The following CNTNAP2 variants were observed in gnomAD, a reference collection of about 807,000 sequenced individuals.
CNTNAP2 encodes the protein contactin associated protein 2, also known as contactin-associated protein-like 2.
In CNTNAP2, 98 loss-of-function variants were observed where a neutral mutation model predicts 155.2. That is an observed-to-expected ratio of 0.63 (90% confidence interval 0.54 to 0.75). The LOEUF is 0.75. Ranked by LOEUF, CNTNAP2 falls within the 30% of genes least tolerant of loss-of-function variation. The pLI is 0.00. For missense variants in CNTNAP2, 1,727 were observed against 1,688.1 expected (o/e 1.02, Z -0.40); for synonymous variants, 651 against 631.2 (o/e 1.03, Z -0.47).
At chr7:147,648,473 A>G (rs1016364373) in intron 13 of CNTNAP2, among the ~76,000 whole-genome samples, 7 of 152,362 alleles carry the variant, frequency 4.6e-5, no homozygotes, top group African/African-American at 1.7e-4. Context: ...GTTCATTTTC[A>G]CGCTGCTGAT....
chr7:148,235,045 G>C (rs1796020935), intron 20 of CNTNAP2, among the ~76,000 whole-genome samples: 1 of 152,134 alleles, frequency 6.6e-6, no homozygotes, highest in Admixed American at 6.5e-5. Context: ...AGGTCCTCAG[G>C]AACAAATGAT....
chr7:146,155,613 A>G (rs1051308931), intron 1 of CNTNAP2, among the ~76,000 whole-genome samples: 4 of 151,846 alleles, frequency 2.6e-5, no homozygotes, highest in Non-Finnish European at 5.9e-5. Context: ...GGAAATAAGT[A>G]ATTACATAAG....
At chr7:147,222,447 ATC>A (rs952546435) in intron 8 of CNTNAP2, among the ~76,000 whole-genome samples, 1 of 151,846 alleles carries the variant, frequency 6.6e-6, no homozygotes, top group East Asian at 1.9e-4. Flanking sequence ...TAAGATTTCC[ATC>A]TCTCTGCTTA....
chr7:146,742,001 C>T (rs961064558), intron 1 of CNTNAP2, among the ~76,000 whole-genome samples: 12 of 151,752 alleles, frequency 7.9e-5, no homozygotes, highest in East Asian at 5.8e-4. Context: ...ATATAATAAA[C>T]TCTCCTTACT....
chr7:147,038,170 A>G (rs955002350), intron 3 of CNTNAP2, among the ~76,000 whole-genome samples: 1 of 152,144 alleles, frequency 6.6e-6, no homozygotes, highest in Non-Finnish European at 1.5e-5. Flanking sequence ...AATAAAATAT[A>G]ACAATAAAAA....
intron 10 of CNTNAP2, among the ~76,000 whole-genome samples, chr7:147,418,620 T>C (rs1283757294): frequency 6.6e-6 from 1 of 152,210 alleles, no homozygotes; most frequent in Non-Finnish European, 1.5e-5. Context: ...GGATTAGGCT[T>C]GGGAAACAAG....
At chr7:147,140,597 C>G (rs967026945) in intron 8 of CNTNAP2, among the ~76,000 whole-genome samples, 1 of 152,036 alleles carries the variant, frequency 6.6e-6, no homozygotes, top group African/African-American at 2.4e-5. Flanking sequence ...TCTTTGTCAT[C>G]AAATTCCTAT....
intron 1 of CNTNAP2, among the ~76,000 whole-genome samples, chr7:146,764,984 C>T (rs1172366198): frequency 1.3e-5 from 2 of 152,048 alleles, no homozygotes; most frequent in Non-Finnish European, 2.9e-5. Context: ...AAGAAGTTCC[C>T]TTCCTCAGAA....
rs1407754788 is a variant in CNTNAP2, at chr7:146,667,578, A to T, written c.98-106693A>T. On this transcript the variant is annotated intron_variant, in intron 1 of 23. Coordinates refer to ENST00000361727, the MANE Select transcript of CNTNAP2 (RefSeq NM_014141.6). ...TCTTTTCGATAGTATGGCCATTTTA[A>T]CAATGTTAATTCTTCTGATACATGA... 1.3e-5 allele frequency among the ~76,000 whole-genome samples: 2 copies of T among 152,040 alleles called. 1 individual carries two copies. Among genetic ancestry groups the T allele is most frequent in the South Asian group, 4.2e-4 (2 of 4,818 alleles).
At chr7:148,304,832 A>G (rs1797459888) in intron 21 of CNTNAP2, among the ~76,000 whole-genome samples, 1 of 151,588 alleles carries the variant, frequency 6.6e-6, no homozygotes, top group South Asian at 2.1e-4. Flanking sequence ...CTTTACCTTC[A>G]CCCTTCCAAT....
chr7:146,745,779 AAAG>A (rs201649098), intron 1 of CNTNAP2, among the ~76,000 whole-genome samples: 17,127 of 148,450 alleles, frequency 0.12, 1,354 homozygotes, highest in East Asian at 0.34. Context: ...AAAAAAAAAA[AAAG>A]AGGTCTGTTA....
At chr7:146,283,879 G>A (rs1584847279) in intron 1 of CNTNAP2, among the ~76,000 whole-genome samples, 1 of 151,946 alleles carries the variant, frequency 6.6e-6, no homozygotes, top group Admixed American at 6.6e-5. Flanking sequence ...AATGAAAGGT[G>A]GCTAAAGAAG....
At position 146,947,404 on chromosome 7, in the gene CNTNAP2, C is replaced by A. The variant is rs1334457594; in HGVS notation, c.403-96503C>A. On this transcript the variant is annotated intron_variant, in intron 3 of 23. Transcript: ENST00000361727. ...TCTCTTTCTCTCTCTCTCTCTCTCT[C>A]TCTCTCTATATATATATATATATAT... Among the ~76,000 whole-genome samples the A allele has an allele frequency of 1.3e-3, 165 of 131,746 alleles. 5 individuals are homozygous for A. Among genetic ancestry groups the A allele is most frequent in the Non-Finnish European group, 1.3e-3 (80 of 62,586 alleles). 86.4% of individuals were successfully genotyped at this position (131,746 alleles called of 152,430 possible).
chr7:147,518,811 A>G (rs1458166558), intron 11 of CNTNAP2, among the ~76,000 whole-genome samples: 3 of 151,976 alleles, frequency 2.0e-5, no homozygotes, highest in Non-Finnish European at 4.4e-5. Flanking sequence ...CGGGCGGATC[A>G]CCTGAGGTCA....
chr7:147,723,019 T>C (rs1461967750), intron 13 of CNTNAP2, among the ~76,000 whole-genome samples: 1 of 152,006 alleles, frequency 6.6e-6, no homozygotes, highest in Non-Finnish European at 1.5e-5. Context: ...ACCTTCAAGA[T>C]TGTCAGCTCT....
intron 21 of CNTNAP2, among the ~76,000 whole-genome samples, chr7:148,350,665 G>C (rs1167358424): frequency 6.6e-6 from 1 of 152,178 alleles, no homozygotes; most frequent in Non-Finnish European, 1.5e-5. Context: ...TTATTAGAGG[G>C]ATACCAGGCA....
chr7:146,690,824 GA>G (rs1245947810), intron 1 of CNTNAP2, among the ~76,000 whole-genome samples: 2 of 152,072 alleles, frequency 1.3e-5, no homozygotes, highest in African/African-American at 4.8e-5. Context: ...TATTTTGAGT[GA>G]AAAGGAGGAA....
chr7:147,399,474 A>C (rs1171353923), intron 10 of CNTNAP2, among the ~76,000 whole-genome samples: 2 of 152,162 alleles, frequency 1.3e-5, no homozygotes, highest in Non-Finnish European at 2.9e-5. Flanking sequence ...GGGTTTCTTT[A>C]CAAATTAGAT....
chr7:147,764,803 A>G (rs950221341), intron 13 of CNTNAP2, among the ~76,000 whole-genome samples: 1 of 152,200 alleles, frequency 6.6e-6, no homozygotes, highest in Non-Finnish European at 1.5e-5. Context: ...TAAAAATCAG[A>G]AGTCATCATA....
Sources: gnomAD v4.1 joint callset for allele counts (sites outside exome capture counted in the v4.1 genomes callset) on GRCh38, gnomAD v4.1.1 for gene constraint, MANE v1.5 for transcripts, NCBI Gene and HGNC (gene_info 2026-07-23, HGNC 2026-07-21) for gene names.